ST8SIA4: variants seen among roughly 807,000 people sequenced by gnomAD.
ST8SIA4 encodes the protein ST8 alpha-N-acetyl-neuraminide alpha-2,8-sialyltransferase 4.
Under a neutral mutation model 33.9 loss-of-function variants are expected in ST8SIA4, and 15 were observed. The ratio of observed to expected loss-of-function variants is 0.44; its 90% CI spans 0.30 to 0.68. ST8SIA4 has a LOEUF of 0.68. Ranked by LOEUF, ST8SIA4 falls within the 30% of genes least tolerant of loss-of-function variation. ST8SIA4 has a pLI of 0.10. For missense variants in ST8SIA4, 321 were observed against 428.0 expected (o/e 0.75, Z 2.21); for synonymous variants, 171 against 151.2 (o/e 1.13, Z -0.96).
chr5:100,885,936 G>A (rs1752525858), intron 3 of ST8SIA4: 1 of 819,108 alleles, frequency 1.2e-6, no homozygotes, highest in East Asian at 1.2e-4. Context: ...TTAATAAAAA[G>A]TAACATTAAC....
rs1750782412 is a variant in ST8SIA4, at chr5:100,809,974, C to CACAA, written c.*1872_*1873insTTGT. 6.6e-6 allele frequency: 1 copy of CACAA among 151,890 alleles called. No homozygotes were observed. Among genetic ancestry groups the CACAA allele is most frequent in the Admixed American group, 6.6e-5 (1 of 15,256 alleles). The allele number at this position is 151,890 out of a possible 1,614,324, so 9.4% of individuals were successfully genotyped here. A position where few individuals can be genotyped will look rare whatever the true frequency, so the allele number is the denominator to read the frequency against. On this transcript the variant is annotated 3_prime_UTR_variant, in exon 5 of 5. Transcript: ENST00000231461. ...TTCCATGGTAACACACACACACACA[C>CACAA]ACGTACTTCATGCTTTTTATTCATT... is the stretch of plus-strand genomic sequence containing the variant.
chr5:100,895,616 T>C, intron 2 of ST8SIA4, 38 bp downstream of exon 2: 1 of 1,587,304 alleles, frequency 6.3e-7, no homozygotes, highest in East Asian at 2.3e-5. Flanking sequence ...TTTGAGAACA[T>C]GATGTGAAAT....
chr5:100,849,288 T>A, intron 4 of ST8SIA4: 1 of 985,370 alleles, frequency 1.0e-6, no homozygotes. Flanking sequence ...TGGTTATAAA[T>A]CTGACACTCA....
intron 4 of ST8SIA4, among the ~76,000 whole-genome samples, chr5:100,824,669 G>C (rs1751101289): frequency 6.6e-6 from 1 of 152,014 alleles, no homozygotes; most frequent in Non-Finnish European, 1.5e-5. Context: ...AAAAGGTGGA[G>C]GGGGGCAAGG....
chr5:100,885,446 CA>C (rs147863224), intron 3 of ST8SIA4: 4 of 936,648 alleles, frequency 4.3e-6, no homozygotes, highest in Non-Finnish European at 3.8e-6. Context: ...TAAAAATATT[CA>C]AAAAATATTC....
intron 4 of ST8SIA4, among the ~76,000 whole-genome samples, chr5:100,845,612 A>C (rs554669463): frequency 1.3e-5 from 2 of 151,930 alleles, no homozygotes. Context: ...CTTGAAAGTA[A>C]AAGGTAATAG....
In ST8SIA4 at chr5:100,807,240, A is replaced by T. The variant is rs1016293421; in HGVS notation, c.*4607T>A. ...ATTAATTTATTTTACAATTTTACAAATGATAAAACAATAATACCCGGTTGC... is the reference window on the plus strand; with the variant it reads ...ATTAATTTATTTTACAATTTTACAATTGATAAAACAATAATACCCGGTTGC... On this transcript the variant is annotated 3_prime_UTR_variant, in exon 5 of 5. Transcript: ENST00000231461. The T allele has an allele frequency of 6.6e-6, 1 of 152,548 alleles. No homozygotes were observed. The highest frequency in any genetic ancestry group is 1.5e-5 in the Non-Finnish European group (1 of 67,980). 9.4% of individuals were successfully genotyped at this position (152,548 alleles called of 1,614,324 possible).
In ST8SIA4 at chr5:100,808,903, T is replaced by G. The variant is rs1336975414; in HGVS notation, c.*2944A>C. On this transcript the variant is annotated 3_prime_UTR_variant, in exon 5 of 5. Transcript: ENST00000231461. ...TAAATACCTTTAACTGAATTCATTC[T>G]TGACTATTGAAATCCCTGAGATGAA... 2.6e-5 allele frequency: 4 copies of G among 152,664 alleles called. No individual in the cohort carries two copies. The highest frequency in any genetic ancestry group is 2.6e-4 in the Admixed American group (4 of 15,284). The allele number at this position is 152,664 out of a possible 1,614,324, so 9.5% of individuals were successfully genotyped here. A position where few individuals can be genotyped will look rare whatever the true frequency, so the allele number is the denominator to read the frequency against.
chr5:100,820,966 C>A (rs971055004), intron 4 of ST8SIA4, among the ~76,000 whole-genome samples: 3 of 152,030 alleles, frequency 2.0e-5, no homozygotes, highest in African/African-American at 7.2e-5. Flanking sequence ...ATTTTAATGA[C>A]CTTCACGTTT....
intron 3 of ST8SIA4, among the ~76,000 whole-genome samples, chr5:100,869,269 T>C (rs1334830736): frequency 1.3e-5 from 2 of 152,146 alleles, no homozygotes; most frequent in African/African-American, 4.8e-5. Flanking sequence ...TTTTAACCTA[T>C]GTCTTATTTA....
At chr5:100,836,672 C>T (rs564285306) in intron 4 of ST8SIA4, among the ~76,000 whole-genome samples, 3 of 151,996 alleles carry the variant, frequency 2.0e-5, no homozygotes, top group African/African-American at 7.2e-5. Context: ...CATTTCATAA[C>T]TCCCAGGTGG....
At chr5:100,842,977 T>C (rs189391341) in intron 4 of ST8SIA4, among the ~76,000 whole-genome samples, 9 of 151,956 alleles carry the variant, frequency 5.9e-5, no homozygotes, top group Admixed American at 2.0e-4. Flanking sequence ...AGCTTTAAAG[T>C]TGAACTCAGT....
intron 4 of ST8SIA4, among the ~76,000 whole-genome samples, chr5:100,840,234 T>G (rs1387821408): frequency 1.3e-5 from 2 of 151,860 alleles, no homozygotes; most frequent in African/African-American, 4.8e-5. Flanking sequence ...ATTTTCTACT[T>G]ATTTTAACAA....
At chr5:100,863,428 T>C (rs951304013) in intron 3 of ST8SIA4, among the ~76,000 whole-genome samples, 15 of 152,180 alleles carry the variant, frequency 9.9e-5, no homozygotes, top group African/African-American at 3.6e-4. Flanking sequence ...CAAGACTCTT[T>C]ACAATAAAAC....
chr5:100,835,027 A>C (rs1295597797), intron 4 of ST8SIA4, among the ~76,000 whole-genome samples: 1 of 152,180 alleles, frequency 6.6e-6, no homozygotes, highest in Non-Finnish European at 1.5e-5. Context: ...AATGAAAAAC[A>C]AACAAGGAAC....
At chr5:100,859,421 C>A (rs1751886055) in intron 3 of ST8SIA4, among the ~76,000 whole-genome samples, 2 of 151,994 alleles carry the variant, frequency 1.3e-5, no homozygotes, top group African/African-American at 4.8e-5. Flanking sequence ...TAGAGTCAAA[C>A]AACATTATCT....
intron 3 of ST8SIA4, among the ~76,000 whole-genome samples, chr5:100,862,544 GC>G (rs1287976774): frequency 1.3e-5 from 2 of 151,150 alleles, no homozygotes; most frequent in Admixed American, 1.3e-4. Context: ...GATTACAGGC[GC>G]CCCCCACCAC....
At chr5:100,900,592 C>A in intron 1 of ST8SIA4, 2 of 437,554 alleles carry the variant, frequency 4.6e-6, no homozygotes, top group South Asian at 1.6e-5. Context: ...AGCTCCAACT[C>A]CTTGCACAGT....
chr5:100,863,066 G>A (rs1262454490), intron 3 of ST8SIA4, among the ~76,000 whole-genome samples: 1 of 152,160 alleles, frequency 6.6e-6, no homozygotes, highest in African/African-American at 2.4e-5. Context: ...TAAAGTGAAG[G>A]TTTCATCTTT....
Sources: gnomAD v4.1 joint callset for allele counts (sites outside exome capture counted in the v4.1 genomes callset) on GRCh38, gnomAD v4.1.1 for gene constraint, MANE v1.5 for transcripts, NCBI Gene and HGNC (gene_info 2026-07-23, HGNC 2026-07-21) for gene names.